Variants in PCDH11X observed in about 807,000 individuals in gnomAD.
PCDH11X encodes protocadherin 11 X-linked.
A neutral mutation model predicts 53.3 loss-of-function variants in PCDH11X; 18 were observed. The observed-to-expected ratio is 0.34, with a 90% CI of 0.23 to 0.50. The LOEUF is 0.50. PCDH11X is among the 20% of genes least tolerant of loss of function. PCDH11X has a pLI of 0.98. For missense variants in PCDH11X, 570 were observed against 1,032.4 expected, an observed-to-expected ratio of 0.55 and a Z score of 6.14; for synonymous variants, 279 against 393.3, an observed-to-expected ratio of 0.71 and a Z score of 3.44.
chrX:92,543,943 C>G (rs2074801861), intron 10 of PCDH11X, among the ~76,000 whole-genome samples: 1 of 106,064 alleles, frequency 9.4e-6, no homozygotes, highest in Non-Finnish European at 1.9e-5. Context: ...AAAATAACCA[C>G]AAAACTCTGT....
chrX:92,021,139 A>T (rs1478459698), intron 6 of PCDH11X, among the ~76,000 whole-genome samples: 11 of 110,964 alleles, frequency 9.9e-5, no homozygotes, highest in Non-Finnish European at 5.7e-5. Flanking sequence ...TCTCCAAATG[A>T]TCCCAACGCC....
Position 91,967,351 on chromosome X carries a change from C to T in PCDH11X, c.3033+88078C>T, listed in dbSNP as rs1426868612. ...AGCAGGAGGTGAGCAGTGGCAAGCG[C>T]GCATTACCGCCTGAACTTCACCTCC... On this transcript the variant is annotated intron_variant, in intron 6 of 10. Transcript: ENST00000682573. Among the ~76,000 whole-genome samples, 12 of 110,487 alleles carry T rather than the reference C, an allele frequency of 1.1e-4. 1 individual carries two copies. In the South Asian group the frequency reaches 2.8e-3, roughly 25 times the overall value.
intron 7 of PCDH11X, among the ~76,000 whole-genome samples, chrX:92,215,039 A>G (rs2066666112): frequency 9.0e-6 from 1 of 111,482 alleles, no homozygotes; most frequent in African/African-American, 3.3e-5. Context: ...CGGAAGGGAG[A>G]TCCCGACTAA....
intron 9 of PCDH11X, among the ~76,000 whole-genome samples, chrX:92,422,871 C>T (rs1319266309): frequency 2.8e-5 from 3 of 107,828 alleles, no homozygotes; most frequent in East Asian, 2.9e-4. Context: ...TTTTTTGAGA[C>T]GGAGTCTCAC....
intron 9 of PCDH11X, among the ~76,000 whole-genome samples, chrX:92,398,853 G>T (rs2071308560): frequency 9.1e-6 from 1 of 110,227 alleles, no homozygotes; most frequent in Admixed American, 9.8e-5. Context: ...TGTATTAAAT[G>T]AAAGTGCATG....
intron 8 of PCDH11X, among the ~76,000 whole-genome samples, chrX:92,289,833 C>T (rs1430271588): frequency 9.0e-6 from 1 of 110,978 alleles, no homozygotes; most frequent in East Asian, 2.9e-4. Context: ...TCATAATTTT[C>T]ATATGAATAA....
chrX:92,451,360 G>A (rs1289540354), intron 9 of PCDH11X, among the ~76,000 whole-genome samples: 3 of 109,595 alleles, frequency 2.7e-5, no homozygotes, highest in Admixed American at 9.8e-5. Flanking sequence ...AATTAAAAAG[G>A]CAAAAAAGAA....
At chrX:92,547,543 C>G (rs2074876878) in intron 10 of PCDH11X, among the ~76,000 whole-genome samples, 1 of 109,460 alleles carries the variant, frequency 9.1e-6, no homozygotes, top group African/African-American at 3.3e-5. Context: ...CCCTCGCTCT[C>G]CCTTCTTCCT....
intron 6 of PCDH11X, among the ~76,000 whole-genome samples, chrX:92,030,044 C>T (rs1237991041): frequency 1.8e-5 from 2 of 112,041 alleles, no homozygotes; most frequent in Non-Finnish European, 3.8e-5. Context: ...CTCACTACAA[C>T]CTCCACCTCC....
chrX:92,335,204 A>AT (rs59511591), intron 8 of PCDH11X, among the ~76,000 whole-genome samples: 23 of 105,729 alleles, frequency 2.2e-4, no homozygotes, highest in Middle Eastern at 5.0e-3. Flanking sequence ...TGTAAAATCA[A>AT]TTTTTTTTTT....
intron 6 of PCDH11X, among the ~76,000 whole-genome samples, chrX:92,095,651 G>A (rs1053892183): frequency 2.7e-5 from 3 of 111,708 alleles, no homozygotes; most frequent in African/African-American, 9.7e-5. Flanking sequence ...AAGATACAGT[G>A]AACATATGCT....
chrX:92,276,958 C>A (rs2068109086), intron 8 of PCDH11X, among the ~76,000 whole-genome samples: 1 of 111,132 alleles, frequency 9.0e-6, no homozygotes, highest in South Asian at 3.8e-4. Context: ...CTCCAGCCAC[C>A]TTTTTAAGAG....
intron 6 of PCDH11X, among the ~76,000 whole-genome samples, chrX:91,933,769 G>T (rs972450470): frequency 1.8e-5 from 2 of 111,000 alleles, no homozygotes; most frequent in African/African-American, 6.5e-5. Context: ...TGGGAAAGTT[G>T]GTGTGAAGAA....
chrX:92,596,325 C>T, intron 10 of PCDH11X, among the ~76,000 whole-genome samples: 2 of 110,482 alleles, frequency 1.8e-5, no homozygotes, highest in South Asian at 7.8e-4. Flanking sequence ...TGCTGTTTTT[C>T]CATCTCTGTG....
intron 10 of PCDH11X, among the ~76,000 whole-genome samples, chrX:92,521,307 G>A (rs2074365887): frequency 8.9e-6 from 1 of 112,067 alleles, no homozygotes; most frequent in African/African-American, 3.2e-5. Context: ...GTGTTAGCAA[G>A]AATGAAAACA....
At chrX:92,059,814 C>T (rs2063501047) in intron 6 of PCDH11X, among the ~76,000 whole-genome samples, 1 of 110,018 alleles carries the variant, frequency 9.1e-6, no homozygotes, top group South Asian at 3.9e-4. Context: ...TTTATGATAA[C>T]TCTGCAAGCC....
chrX:92,423,876 T>C (rs967293334), intron 9 of PCDH11X, among the ~76,000 whole-genome samples: 3 of 97,350 alleles, frequency 3.1e-5, no homozygotes, highest in African/African-American at 6.7e-5. Context: ...TGTACCATGC[T>C]GTTTTGGTGA....
chrX:92,584,535 G>A (rs1351616686), intron 10 of PCDH11X, among the ~76,000 whole-genome samples: 2 of 110,619 alleles, frequency 1.8e-5, no homozygotes, highest in Non-Finnish European at 3.8e-5. Context: ...TTTATTGAAA[G>A]GCAGGAGCTA....
intron 6 of PCDH11X, among the ~76,000 whole-genome samples, chrX:91,929,078 T>A (rs947615382): frequency 1.4e-4 from 16 of 111,248 alleles, no homozygotes; most frequent in Non-Finnish European, 2.8e-4. Context: ...GCTTAGATTA[T>A]AATAAATATT....
Sources: gnomAD v4.1 joint callset for allele counts (sites outside exome capture counted in the v4.1 genomes callset) on GRCh38, gnomAD v4.1.1 for gene constraint, MANE v1.5 for transcripts, NCBI Gene and HGNC (gene_info 2026-07-23, HGNC 2026-07-21) for gene names.